Variants in ERBB3 observed in about 807,000 individuals in gnomAD.
The protein encoded by ERBB3 is receptor tyrosine-protein kinase erbB-3.
Under a neutral mutation model 156.7 loss-of-function variants are expected in ERBB3, and 96 were observed. The observed-to-expected ratio is 0.61, with a 90% confidence interval of 0.52 to 0.73. ERBB3 has a LOEUF of 0.73. Ranked by LOEUF, ERBB3 falls within the 30% of genes least tolerant of loss-of-function variation. The pLI, the probability that ERBB3 is intolerant of heterozygous loss-of-function variation, is 0.00. For synonymous variants in ERBB3, 567 were observed against 632.0 expected, an observed-to-expected ratio of 0.90 and a Z score of 1.54; for missense variants, 1,406 against 1,709.4, an observed-to-expected ratio of 0.82 and a Z score of 3.13.
At chr12:56,091,318 T>TATAA (rs1160648779) in intron 9 of ERBB3, among the ~76,000 whole-genome samples, 1 of 78,998 alleles carries the variant, frequency 1.3e-5, no homozygotes, top group South Asian at 2.9e-4. Flanking sequence ...TAAATATAAA[T>TATAA]ATATATATAT....
chr12:56,080,220 C>A lies in ERBB3; in HGVS notation c.-81C>A. 8.8e-7 allele frequency: 1 copy of A among 1,136,420 alleles called. No individual in the cohort carries two copies. Among genetic ancestry groups the A allele is most frequent in the Non-Finnish European group, 1.3e-6 (1 of 775,294 alleles). 70.4% of individuals were successfully genotyped at this position (1,136,420 alleles called of 1,614,324 possible). A position where few individuals can be genotyped will look rare whatever the true frequency, so the allele number is the denominator to read the frequency against. On this transcript the variant is annotated 5_prime_UTR_variant, in exon 1 of 28. Coordinates refer to ENST00000267101, the MANE Select transcript of ERBB3 (RefSeq NM_001982.4). ...AGCAGCCACCAATTCGCCAGCGGTTCAGGTGGCTCTTGCCTCGATGTCCTA... is the reference window on the plus strand; with the variant it reads ...AGCAGCCACCAATTCGCCAGCGGTTAAGGTGGCTCTTGCCTCGATGTCCTA...
chr12:56,098,945 CTTTTTTTTTCTT>C, intron 23 of ERBB3, 40 bp downstream of exon 23: 31 of 1,411,680 alleles, frequency 2.2e-5, no homozygotes, highest in Non-Finnish European at 2.7e-5. Flanking sequence ...CTCTTTTTTT[CTTTTTTTTTCTT>C]TTTTTTTTTT....
chr12:56,088,460 G>A, intron 7 of ERBB3, 83 bp from the exon 8 acceptor site: 3 of 1,099,074 alleles, frequency 2.7e-6, no homozygotes, highest in Admixed American at 3.4e-5. Flanking sequence ...GCTGGAGGGA[G>A]CCTAGGCCCA....
intron 9 of ERBB3, among the ~76,000 whole-genome samples, chr12:56,092,171 C>T (rs1225931379): frequency 1.3e-5 from 2 of 150,674 alleles, no homozygotes; most frequent in African/African-American, 2.4e-5. Context: ...GGGCGGATCA[C>T]AAGGTCAGGA....
intron 3 of ERBB3, among the ~76,000 whole-genome samples, chr12:56,086,251 G>C (rs113453807): frequency 5.3e-5 from 8 of 152,124 alleles, no homozygotes; most frequent in African/African-American, 1.9e-4. Flanking sequence ...GCAGGGCTTG[G>C]GGGAGGGAAT....
At chr12:56,090,858 G>A (rs891112244) in intron 9 of ERBB3, among the ~76,000 whole-genome samples, 6 of 151,922 alleles carry the variant, frequency 3.9e-5, no homozygotes, top group African/African-American at 1.2e-4. Context: ...TGTTTGAATC[G>A]GAAAATTAAC....
chr12:56,096,947 C>A, intron 19 of ERBB3, 98 bp from the exon 20 acceptor site: 1 of 1,404,318 alleles, frequency 7.1e-7, no homozygotes, highest in Non-Finnish European at 1.0e-6. Context: ...ACTATGTTAG[C>A]CAGAATGTTG....
chr12:56,088,968 A>G (rs2136799662), intron 9 of ERBB3, 100 bp downstream of exon 9: 1 of 1,491,774 alleles, frequency 6.7e-7, no homozygotes, highest in East Asian at 2.3e-5. Context: ...ACTAGGAATC[A>G]AAGTCATAAA....
rs1869023695 is a variant in ERBB3 at position 56,099,734 on chromosome 12, C to T, written c.2926C>T (p.Leu976=). The T allele has an allele frequency of 6.2e-7, 1 of 1,613,942 alleles. No homozygotes were observed. ...GATGGCCCGAGACCCACCACGGTATCTGGTCATAAAGGTGAGTAGGGAGTA... is the reference window on the plus strand; with the variant it reads ...GATGGCCCGAGACCCACCACGGTATTTGGTCATAAAGGTGAGTAGGGAGTA... The part of the protein sequence containing the change: ...TRMARDPPRY[L]VIKRESGPGI... The change falls in exon 24 of 28, where the codon CTG becomes TTG. Residue 976 remains leucine, a synonymous_variant. Transcript: ENST00000267101.
chr12:56,085,429 C>A (rs1026346164), intron 3 of ERBB3: 2 of 1,420,806 alleles, frequency 1.4e-6, no homozygotes, highest in Admixed American at 5.8e-5. Flanking sequence ...GATCTGTTAA[C>A]CGTTTTTCTA....
chr12:56,098,001 C>T (rs1486211016), intron 21 of ERBB3, 61 bp downstream of exon 21: 4 of 1,549,892 alleles, frequency 2.6e-6, no homozygotes, highest in African/African-American at 1.4e-5. Context: ...TAGGGAGCAG[C>T]CAGTGGTCTC....
Position 56,094,147 on chromosome 12 carries a change from G to A in ERBB3, c.1662G>A (p.Pro554=), listed in dbSNP as rs754275955. ...AHEAECFSCH[P]ECQPMEGTAT... is the part of the protein sequence containing the mutation. ...AGGCCGAATGCTTCTCCTGCCACCCGGAATGCCAACCCATGGAGGGCACTG... is the reference window on the plus strand; with the variant it reads ...AGGCCGAATGCTTCTCCTGCCACCCAGAATGCCAACCCATGGAGGGCACTG... The change falls in exon 14 of 28, where the codon CCG becomes CCA. Residue 554 remains proline, a synonymous_variant. Coordinates refer to ENST00000267101, the MANE Select transcript of ERBB3 (RefSeq NM_001982.4). 54 of 1,613,452 alleles carry A rather than the reference G, an allele frequency of 3.3e-5. No homozygotes were observed. Among genetic ancestry groups the A allele is most frequent in the Non-Finnish European group, 4.1e-5 (48 of 1,179,816 alleles).
chr12:56,096,718 T>C, intron 18 of ERBB3, 30 bp from the exon 19 acceptor site: 1 of 1,612,314 alleles, frequency 6.2e-7, no homozygotes, highest in Non-Finnish European at 8.5e-7. Context: ...GAGAATGACC[T>C]TATGCCAACT....
chr12:56,085,332 C>T, intron 3 of ERBB3, 151 bp downstream of exon 3: 1 of 1,507,608 alleles, frequency 6.6e-7, no homozygotes, highest in East Asian at 2.4e-5. Context: ...GCTCCCTAAG[C>T]AATAGAGGGC....
At chr12:56,083,367 T>G in intron 1 of ERBB3, 1 of 348,376 alleles carries the variant, frequency 2.9e-6, no homozygotes, top group Non-Finnish European at 5.6e-6. Flanking sequence ...GAGAAGTGAG[T>G]GCCCTAGTTG....
chr12:56,086,454 C>CT, intron 3 of ERBB3, 77 bp from the exon 4 acceptor site: 1 of 1,585,840 alleles, frequency 6.3e-7, no homozygotes, highest in South Asian at 1.1e-5. Flanking sequence ...CTCAGGTGTC[C>CT]TTTTGGATGG....
chr12:56,083,580 C>T (rs1868384150), intron 1 of ERBB3, 171 bp from the exon 2 acceptor site: 3 of 712,320 alleles, frequency 4.2e-6, no homozygotes, highest in Non-Finnish European at 7.6e-6. Context: ...AGAAAGCTCT[C>T]AGGCCACTAC....
Position 56,095,309 on chromosome 12 carries a change from G to T in ERBB3, c.1912G>T (p.Gly638Cys), listed in dbSNP as rs1200363001. The change falls in exon 16 of 28, where the codon GGC becomes TGC. Residue 638 changes from glycine (G) to cysteine (C), a missense_variant and splice_region_variant. Physicochemically the swap from Gly to Cys is radical, Grantham distance 159. Coordinates refer to ENST00000267101, the MANE Select transcript of ERBB3 (RefSeq NM_001982.4). Reference sequence around the variant, plus strand: ...TTTAGGACAAACACTGGTGCTGATCGGGTATGATGGGGTTGGAGATTCTGG... The same window carrying T: ...TTTAGGACAAACACTGGTGCTGATCTGGTATGATGGGGTTGGAGATTCTGG... ...DCLGQTLVLIGKTHLTMALTV... is the reference protein window; with the variant it reads ...DCLGQTLVLICKTHLTMALTV... The T allele has an allele frequency of 2.5e-6, 4 of 1,612,578 alleles. No individual in the cohort carries two copies. In the African/African-American group the frequency reaches 4.0e-5, roughly 16 times the overall value.
chr12:56,086,626 G>A lies in ERBB3; in HGVS notation c.517G>A (p.Glu173Lys), dbSNP rs986135420. 1 of 1,614,168 alleles carries A rather than the reference G, an allele frequency of 6.2e-7. No homozygotes were observed. Among genetic ancestry groups the A allele is most frequent in the Non-Finnish European group, 8.5e-7 (1 of 1,180,016 alleles). Residue 173 changes from glutamate (E) to lysine (K), a missense_variant, in exon 4 of 28, where the codon GAG (glutamate) becomes AAG (lysine). Coordinates refer to ENST00000267101, the MANE Select transcript of ERBB3 (RefSeq NM_001982.4). ...WRDIVRDRDA[E>K]IVVKDNGRSC... ...GGACATCGTGAGGGACCGAGATGCTGAGATAGTGGTGAAGGACAATGGCAG... is the reference window on the plus strand; with the variant it reads ...GGACATCGTGAGGGACCGAGATGCTAAGATAGTGGTGAAGGACAATGGCAG...
Sources: gnomAD v4.1 joint callset for allele counts (sites outside exome capture counted in the v4.1 genomes callset) on GRCh38, gnomAD v4.1.1 for gene constraint, MANE v1.5 for transcripts, NCBI Gene and HGNC (gene_info 2026-07-23, HGNC 2026-07-21) for gene names.